The following DAB1 variants were observed in gnomAD, a reference collection of about 807,000 sequenced individuals.
The protein encoded by DAB1 is DAB adaptor protein 1, also known as disabled homolog 1.
A neutral mutation model predicts 64.6 loss-of-function variants in DAB1; 15 were observed. The ratio of observed to expected loss-of-function variants is 0.23; its 90% CI spans 0.16 to 0.36. DAB1 has a LOEUF of 0.36. Among genes scored for constraint, DAB1 ranks in the 10% least tolerant of loss-of-function variants. The probability of loss-of-function intolerance (pLI) is 1.00; values close to 1 mark genes in which losing one functional copy is unlikely to be tolerated. For synonymous variants in DAB1, 235 were observed against 251.9 expected, an observed-to-expected ratio of 0.93 and a Z score of 0.64; for missense variants, 596 against 706.7, an observed-to-expected ratio of 0.84 and a Z score of 1.78.
At chr1:58,528,215 C>A (rs1181368114) in intron 1 of DAB1, among the ~76,000 whole-genome samples, 1 of 152,200 alleles carries the variant, frequency 6.6e-6, no homozygotes, top group Non-Finnish European at 1.5e-5. Flanking sequence ...GTGCCCCCGT[C>A]AAGTCTATTG....
At chr1:57,008,147 G>A (rs984565121) in intron 14 of DAB1, among the ~76,000 whole-genome samples, 2 of 152,212 alleles carry the variant, frequency 1.3e-5, no homozygotes, top group Non-Finnish European at 2.9e-5. Flanking sequence ...TGACTTGCAT[G>A]TGATTCTAAG....
chr1:57,446,395 C>A (rs1045478070), intron 7 of DAB1, among the ~76,000 whole-genome samples: 4 of 151,832 alleles, frequency 2.6e-5, no homozygotes, highest in Non-Finnish European at 4.4e-5. Flanking sequence ...GTCGGGAGTT[C>A]GAGACCAGCC....
intron 1 of DAB1, among the ~76,000 whole-genome samples, chr1:57,833,600 A>C (rs1375037616): frequency 6.6e-6 from 1 of 152,240 alleles, no homozygotes; most frequent in Non-Finnish European, 1.5e-5. Flanking sequence ...AGTTGAATAA[A>C]TAAGTGAATG....
intron 7 of DAB1, among the ~76,000 whole-genome samples, chr1:57,592,029 A>G (rs993879037): frequency 6.6e-6 from 1 of 152,220 alleles, no homozygotes; most frequent in Non-Finnish European, 1.5e-5. Context: ...GATTTCTGCA[A>G]TCTAATAGGA....
chr1:57,609,622 C>T (rs1403548868), intron 7 of DAB1, among the ~76,000 whole-genome samples: 1 of 152,186 alleles, frequency 6.6e-6, no homozygotes, highest in African/African-American at 2.4e-5. Context: ...CCGGTTTCCT[C>T]ATCTGAAAAT....
intron 4 of DAB1, among the ~76,000 whole-genome samples, chr1:58,291,469 A>G (rs1273381106): frequency 6.6e-6 from 1 of 152,200 alleles, no homozygotes; most frequent in Admixed American, 6.5e-5. Flanking sequence ...AAACATAAAG[A>G]GTTGTCTCTC....
chr1:57,591,635 G>A (rs1645446575), intron 7 of DAB1, among the ~76,000 whole-genome samples: 1 of 152,204 alleles, frequency 6.6e-6, no homozygotes, highest in African/African-American at 2.4e-5. Flanking sequence ...TTCTTCATCT[G>A]TAAAATGGGG....
At chr1:58,163,827 C>G (rs1655674694) in intron 4 of DAB1, among the ~76,000 whole-genome samples, 1 of 152,144 alleles carries the variant, frequency 6.6e-6, no homozygotes, top group East Asian at 1.9e-4. Flanking sequence ...CTGGCATAAG[C>G]TGTTCACACA....
chr1:57,781,530 G>A (rs1650097320), intron 6 of DAB1, among the ~76,000 whole-genome samples: 1 of 151,930 alleles, frequency 6.6e-6, no homozygotes. Context: ...CCTAGAAAGT[G>A]GAGTCATTCC....
chr1:58,170,285 T>C (rs1656090928), intron 4 of DAB1, among the ~76,000 whole-genome samples: 1 of 152,152 alleles, frequency 6.6e-6, no homozygotes, highest in Admixed American at 6.5e-5. Context: ...AATTATTCAA[T>C]GATGTCCACC....
intron 5 of DAB1, among the ~76,000 whole-genome samples, chr1:57,896,875 T>C (rs1053432920): frequency 3.3e-5 from 5 of 152,200 alleles, no homozygotes; most frequent in African/African-American, 1.2e-4. Context: ...ACTGGATTCA[T>C]AGTTTGCATC....
intron 4 of DAB1, among the ~76,000 whole-genome samples, chr1:58,204,842 AAC>A (rs1339246650): frequency 2.0e-5 from 3 of 152,136 alleles, no homozygotes; most frequent in Non-Finnish European, 1.5e-5. Flanking sequence ...TGCCCATAAA[AAC>A]AGAGAAGTTG....
intron 9 of DAB1, among the ~76,000 whole-genome samples, chr1:57,027,416 C>T (rs1177914849): frequency 6.6e-6 from 1 of 152,202 alleles, no homozygotes; most frequent in Non-Finnish European, 1.5e-5. Flanking sequence ...GCAGACAGCC[C>T]CTTCTCTGCT....
chr1:57,169,270 A>G (rs155293), intron 2 of DAB1, among the ~76,000 whole-genome samples: 44,440 of 152,068 alleles, frequency 0.29, 11,150 homozygotes, highest in African/African-American at 0.69. Flanking sequence ...CTCTTCAACA[A>G]TCTCTTATTA....
chr1:57,441,206 TC>T (rs1285420947), intron 7 of DAB1, among the ~76,000 whole-genome samples: 1 of 152,232 alleles, frequency 6.6e-6, no homozygotes, highest in Middle Eastern at 3.2e-3. Context: ...ACAATTTCAT[TC>T]TTTTTATGTG....
intron 5 of DAB1, among the ~76,000 whole-genome samples, chr1:57,998,393 T>C (rs1022583067): frequency 3.4e-5 from 5 of 147,234 alleles, no homozygotes; most frequent in South Asian, 4.3e-4. Context: ...TTCTCTCTTT[T>C]TTTTTTTTTT....
intron 1 of DAB1, among the ~76,000 whole-genome samples, chr1:57,360,759 A>G (rs1438669958): frequency 2.0e-5 from 3 of 152,162 alleles, no homozygotes; most frequent in Non-Finnish European, 4.4e-5. Flanking sequence ...CATGTAAGTC[A>G]TGATAGTGGA....
At chr1:57,805,184 T>C (rs1651306011) in intron 6 of DAB1, among the ~76,000 whole-genome samples, 1 of 152,150 alleles carries the variant, frequency 6.6e-6, no homozygotes, top group Non-Finnish European at 1.5e-5. Flanking sequence ...CAGAACCACT[T>C]CTGAACTCTG....
At chr1:57,116,480 A>AAATG (rs1553144208) in intron 4 of DAB1, among the ~76,000 whole-genome samples, 1 of 131,232 alleles carries the variant, frequency 7.6e-6, no homozygotes, top group African/African-American at 2.7e-5. Flanking sequence ...AAAAAAAAAA[A>AAATG]AAAGAAAGAA....
Sources: gnomAD v4.1 joint callset for allele counts (sites outside exome capture counted in the v4.1 genomes callset) on GRCh38, gnomAD v4.1.1 for gene constraint, MANE v1.5 for transcripts, NCBI Gene and HGNC (gene_info 2026-07-23, HGNC 2026-07-21) for gene names.